PUM1: variants seen among roughly 807,000 people sequenced by gnomAD.
The protein encoded by PUM1 is pumilio homolog 1.
PUM1 carries 13 observed loss-of-function variants against 131.8 expected under a neutral mutation model. The ratio of observed to expected loss-of-function variants is 0.10; its 90% CI spans 0.06 to 0.16. The LOEUF (loss-of-function observed/expected upper bound fraction) is 0.16. PUM1 is among the 10% of genes least tolerant of loss of function. PUM1 has a pLI of 1.00. For missense variants in PUM1, 961 were observed against 1,512.4 expected (o/e 0.64, Z 6.05); for synonymous variants, 509 against 556.5 (o/e 0.91, Z 1.20).
intron 20 of PUM1, among the ~76,000 whole-genome samples, chr1:30,938,743 T>G (rs960326962): frequency 2.6e-5 from 4 of 152,074 alleles, no homozygotes; most frequent in African/African-American, 9.7e-5. Context: ...CGGACACCTG[T>G]AGTCCCAGCT....
chr1:30,947,498 G>A (rs1387425395), intron 17 of PUM1, among the ~76,000 whole-genome samples: 1 of 152,184 alleles, frequency 6.6e-6, no homozygotes, highest in African/African-American at 2.4e-5. Context: ...GGGTGATGGT[G>A]ACAGGATATA....
At position 30,965,989 on chromosome 1, in the gene PUM1, T is replaced by A. The variant is rs1290895882; in HGVS notation, c.2079A>T (p.Gly693=). 6.2e-7 allele frequency: 1 copy of A among 1,612,904 alleles called. No homozygotes were observed. The highest frequency in any genetic ancestry group is 2.2e-5 in the East Asian group (1 of 44,874). The change falls in exon 13 of 22, where the codon GGA becomes GGT. Residue 693 remains glycine (G), a synonymous_variant. Transcript: ENST00000426105. Reference sequence around the variant, plus strand: ...TATCAGTCTAATTTCTACCTGCTGTTCCAAACCCTCCAAGGGCGGATCCCA... The same window carrying A: ...TATCAGTCTAATTTCTACCTGCTGTACCAAACCCTCCAAGGGCGGATCCCA... ...ATLGSALGGF[G]TAVANSNTGS...
chr1:30,975,208 A>G (rs571434459), intron 9 of PUM1, among the ~76,000 whole-genome samples: 7 of 152,354 alleles, frequency 4.6e-5, no homozygotes, highest in Admixed American at 1.3e-4. Flanking sequence ...ATGTTCAATG[A>G]TAAGAATGGC....
chr1:31,048,544 G>T (rs1298403668), intron 2 of PUM1, among the ~76,000 whole-genome samples: 1 of 150,334 alleles, frequency 6.7e-6, no homozygotes. Flanking sequence ...GTGCGATCTC[G>T]GCTCACTGCA....
chr1:30,979,249 T>C (rs1221750953), intron 9 of PUM1, among the ~76,000 whole-genome samples: 1 of 152,064 alleles, frequency 6.6e-6, no homozygotes, highest in Admixed American at 6.5e-5. Context: ...AAAAAGAGCT[T>C]ACTACAGAAG....
chr1:31,016,370 A>T (rs938427812), intron 3 of PUM1, among the ~76,000 whole-genome samples: 1 of 152,186 alleles, frequency 6.6e-6, no homozygotes, highest in Admixed American at 6.5e-5. Context: ...TTCCATCACA[A>T]GCCAGTTTTT....
At chr1:31,019,181 C>T (rs1314474653) in intron 3 of PUM1, among the ~76,000 whole-genome samples, 1 of 151,988 alleles carries the variant, frequency 6.6e-6, no homozygotes, top group Non-Finnish European at 1.5e-5. Context: ...GGTGAAACCC[C>T]GCCTCCATTA....
intron 16 of PUM1, among the ~76,000 whole-genome samples, chr1:30,951,834 C>T (rs1639948459): frequency 6.6e-6 from 1 of 152,122 alleles, no homozygotes; most frequent in Non-Finnish European, 1.5e-5. Context: ...AGTCGGTGTC[C>T]AAAGACAATT....
intron 2 of PUM1, among the ~76,000 whole-genome samples, chr1:31,032,571 TAAAAA>T: frequency 6.9e-6 from 1 of 144,624 alleles, no homozygotes; most frequent in South Asian, 2.2e-4. Flanking sequence ...ATCTTTTTTT[TAAAAA>T]AAAAAAAAAA....
rs778399813 is a variant in PUM1, at chr1:30,981,301, T to C, written c.1252+11A>G. On this transcript the variant is annotated intron_variant, in intron 8 of 21. Coordinates refer to ENST00000426105, the MANE Select transcript of PUM1 (RefSeq NM_001020658.2). ...ACCTATCATGAAAGAGCTATGGGCT[T>C]AAGGACTTACCGATGTGCGGCTGAT... 17 of 1,563,720 alleles carry C rather than the reference T, an allele frequency of 1.1e-5. No individual in the cohort carries two copies. Among genetic ancestry groups the C allele is most frequent in the Non-Finnish European group, 1.5e-5 (17 of 1,143,018 alleles).
intron 14 of PUM1, among the ~76,000 whole-genome samples, chr1:30,963,937 T>C (rs1640521304): frequency 6.6e-6 from 1 of 152,206 alleles, no homozygotes; most frequent in Admixed American, 6.5e-5. Flanking sequence ...GAGAGGAGTA[T>C]GCACCATGCT....
At chr1:30,986,171 T>G (rs1363194571) in intron 7 of PUM1, among the ~76,000 whole-genome samples, 1 of 152,166 alleles carries the variant, frequency 6.6e-6, no homozygotes, top group East Asian at 1.9e-4. Context: ...GCCAGGCTGA[T>G]CTCAAACTCC....
rs1004792344 is a variant in PUM1 at position 30,932,617 on chromosome 1, A to G, written c.*594T>C. 3.4e-5 allele frequency: 5 copies of G among 145,950 alleles called. No homozygotes were observed. The highest frequency in any genetic ancestry group is 1.3e-4 in the African/African-American group (5 of 39,624). The allele number at this position is 145,950 out of a possible 1,614,324, so 9.0% of individuals were successfully genotyped here. A position where few individuals can be genotyped will look rare whatever the true frequency, so the allele number is the denominator to read the frequency against. The stretch of plus-strand genomic sequence containing the variant: ...ACTTAATGTCACAAACTGAAGCTTT[A>G]GCAACTCTGAAACCTTTTTCATTAT... On this transcript the variant is annotated 3_prime_UTR_variant, in exon 22 of 22. Transcript: ENST00000426105.
chr1:31,062,619 C>CCA (rs1644394719), intron 1 of PUM1, among the ~76,000 whole-genome samples: 1 of 117,226 alleles, frequency 8.5e-6, no homozygotes, highest in African/African-American at 3.1e-5. Flanking sequence ...GACTCCATCT[C>CCA]AAAAAAAAAA....
chr1:30,961,194 A>G (rs1640389116), intron 14 of PUM1, among the ~76,000 whole-genome samples: 1 of 151,898 alleles, frequency 6.6e-6, no homozygotes, highest in African/African-American at 2.4e-5. Flanking sequence ...CTCTATCTCA[A>G]AAAAATAAAT....
Position 30,964,796 on chromosome 1 carries a change from C to T in PUM1, c.2201G>A (p.Gly734Asp), listed in dbSNP as rs761651867. Reference sequence around the variant, plus strand: ...TCCAGGAGAGGAGGAAAAGCTAAGGCCGTTATAAAAACTGTGTCCAATGGG... The same window carrying T: ...TCCAGGAGAGGAGGAAAAGCTAAGGTCGTTATAAAAACTGTGTCCAATGGG... ...LTPIGHSFYN[G>D]LSFSSSPGPV... The change falls in exon 14 of 22, where the codon GGC becomes GAC. Residue 734 changes from glycine (G) to aspartate (D), a missense_variant. By Grantham distance (94) the Gly-to-Asp change is moderately conservative. Transcript: ENST00000426105. 1.2e-6 allele frequency: 2 copies of T among 1,613,868 alleles called. No homozygotes were observed. Among genetic ancestry groups the T allele is most frequent in the South Asian group, 1.1e-5 (1 of 91,072 alleles).
intron 2 of PUM1, among the ~76,000 whole-genome samples, chr1:31,038,984 A>ATATATATATATATATATATATATATT: frequency 1.2e-4 from 6 of 49,412 alleles, no homozygotes; most frequent in African/African-American, 2.1e-4. Context: ...ATATATATAT[A>ATATATATATATATATATATATATATT]TTTTTTTTTT....
At chr1:30,957,966 C>A (rs955379027) in intron 14 of PUM1, among the ~76,000 whole-genome samples, 1 of 152,184 alleles carries the variant, frequency 6.6e-6, no homozygotes. Context: ...GTCCAAAATA[C>A]GTTAATTGTC....
intron 5 of PUM1, among the ~76,000 whole-genome samples, chr1:31,005,370 G>C (rs1386568848): frequency 6.6e-6 from 1 of 152,090 alleles, no homozygotes; most frequent in East Asian, 1.9e-4. Flanking sequence ...GGCCAAAGAG[G>C]ATTCTATAAT....
Sources: gnomAD v4.1 joint callset for allele counts (sites outside exome capture counted in the v4.1 genomes callset) on GRCh38, gnomAD v4.1.1 for gene constraint, MANE v1.5 for transcripts, NCBI Gene and HGNC (gene_info 2026-07-23, HGNC 2026-07-21) for gene names.